Variants in MARCHF6 observed in about 807,000 individuals in gnomAD.
The protein encoded by MARCHF6 is membrane associated ring-CH-type finger 6.
A neutral mutation model predicts 133.7 loss-of-function variants in MARCHF6; 31 were observed. The ratio of observed to expected loss-of-function variants is 0.23; its 90% confidence interval spans 0.17 to 0.31. The LOEUF (loss-of-function observed/expected upper bound fraction) is 0.31, where lower values mean the gene tolerates loss of function less well. MARCHF6 is among the 10% of genes least tolerant of loss of function. The pLI is 1.00. For missense variants in MARCHF6, 723 were observed against 1,121.6 expected (o/e 0.64, Z 5.08); for synonymous variants, 395 against 402.5 (o/e 0.98, Z 0.22).
rs537627669 is a variant in MARCHF6 at position 10,406,675 on chromosome 5, G to A, written c.1453-427G>A. Reference sequence around the variant, plus strand: ...AGTGCTGGGATTACCTCACCCAGCCGTAAATCTAAGTTTTTCTAAAATAAA... The same window carrying A: ...AGTGCTGGGATTACCTCACCCAGCCATAAATCTAAGTTTTTCTAAAATAAA... On this transcript the variant is annotated intron_variant, in intron 16 of 25. Transcript: ENST00000274140. 2.0e-4 allele frequency among the ~76,000 whole-genome samples: 31 copies of A among 152,130 alleles called. No individual in the cohort carries two copies. In the South Asian group the frequency reaches 5.0e-3, roughly 24 times the overall value.
At chr5:10,390,894 T>C (rs1186468020) in intron 6 of MARCHF6, among the ~76,000 whole-genome samples, 2 of 152,210 alleles carry the variant, frequency 1.3e-5, no homozygotes, top group African/African-American at 4.8e-5. Flanking sequence ...GGCTGTCTTA[T>C]AAAAAGGACT....
At chr5:10,377,711 T>C in intron 1 of MARCHF6, 87 bp from the exon 2 acceptor site, 2 of 763,740 alleles carry the variant, frequency 2.6e-6, no homozygotes, top group South Asian at 1.5e-5. Flanking sequence ...CTTGCTTTAA[T>C]GTCCAATATT....
In MARCHF6 at chr5:10,433,818, C is replaced by G. The variant is rs1051615290; in HGVS notation, c.*134C>G. The G allele has an allele frequency of 1.4e-6, 1 of 705,168 alleles. No individual in the cohort carries two copies. The highest frequency in any genetic ancestry group is 2.3e-5 in the Admixed American group (1 of 43,310). 43.7% of individuals were successfully genotyped at this position (705,168 alleles called of 1,614,324 possible). The stretch of plus-strand genomic sequence containing the variant: ...GTATTTGACTTGTGTTCTCAGCATT[C>G]AGAGAGCAGCGGTGTAAGATTCTGC... On this transcript the variant is annotated 3_prime_UTR_variant, in exon 26 of 26. Transcript: ENST00000274140.
In MARCHF6 at chr5:10,435,211, G is replaced by C. The variant is rs539148332; in HGVS notation, c.*1527G>C. The C allele has an allele frequency of 6.6e-6, 1 of 152,656 alleles. No homozygotes were observed. Among genetic ancestry groups the C allele is most frequent in the Admixed American group, 6.5e-5 (1 of 15,276 alleles). The allele number at this position is 152,656 out of a possible 1,614,324, so 9.5% of individuals were successfully genotyped here. ...ATAAGCTACCAAAATAAAGAGCAAT[G>C]TGTTCTGGCTGTTTTATACTTCAAC... On this transcript the variant is annotated 3_prime_UTR_variant, in exon 26 of 26. Coordinates refer to ENST00000274140, the MANE Select transcript of MARCHF6 (RefSeq NM_005885.4).
At chr5:10,355,898 ACTCC>A (rs1735428448) in intron 1 of MARCHF6, among the ~76,000 whole-genome samples, 2 of 151,944 alleles carry the variant, frequency 1.3e-5, no homozygotes, top group African/African-American at 2.4e-5. Flanking sequence ...TATTTTTGTC[ACTCC>A]CTCTATAGGA....
At chr5:10,392,535 C>A (rs551980520) in intron 7 of MARCHF6, among the ~76,000 whole-genome samples, 1 of 152,080 alleles carries the variant, frequency 6.6e-6, no homozygotes, top group Non-Finnish European at 1.5e-5. Context: ...GGGTAGATCA[C>A]CTGAGGTCAG....
At chr5:10,407,720 G>T (rs149857177) in intron 17 of MARCHF6, among the ~76,000 whole-genome samples, 7 of 152,332 alleles carry the variant, frequency 4.6e-5, no homozygotes, top group African/African-American at 1.7e-4. Flanking sequence ...TTGGGAAGCC[G>T]AGGCAGGCGG....
At position 10,388,140 on chromosome 5, in the gene MARCHF6, C is replaced by T. The variant is rs142889281; in HGVS notation, c.407+1074C>T. Among the ~76,000 whole-genome samples the T allele has an allele frequency of 4.6e-4, 70 of 152,290 alleles. 2 individuals are homozygous for T. The East Asian group carries it at 0.013, about 28-fold the overall frequency. On this transcript the variant is annotated intron_variant, in intron 5 of 25. Transcript: ENST00000274140. ...TTGGCAGGCTTCTTTTTCCCTCTCA[C>T]CTGATAGGCTTGAGGGTCACCTGAA...
In MARCHF6 at chr5:10,435,660, TATATATATATATATATATATATATA is replaced by T. The variant is rs1740595937; in HGVS notation, c.*1977_*2001del. On this transcript the variant is annotated 3_prime_UTR_variant, in exon 26 of 26. Transcript: ENST00000274140. ...ATAACTATATATATATATATATATA[TATATATATATATATATATATATATA>T]TATATATATATATTTTTTTTTTTTT... The T allele has an allele frequency of 1.7e-4, 1 of 5,838 alleles. No individual in the cohort carries two copies. The highest frequency in any genetic ancestry group is 1.3e-3 in the African/African-American group (1 of 754). The allele number at this position is 5,838 out of a possible 1,614,324, so 0.4% of individuals were successfully genotyped here. A position where few individuals can be genotyped will look rare whatever the true frequency, so the allele number is the denominator to read the frequency against.
At chr5:10,414,660 A>G (rs1739406617) in intron 20 of MARCHF6, among the ~76,000 whole-genome samples, 158 bp downstream of exon 20, 1 of 152,238 alleles carries the variant, frequency 6.6e-6, no homozygotes, top group African/African-American at 2.4e-5. Flanking sequence ...CTTCCACCTC[A>G]GCTAGGTCTA....
intron 25 of MARCHF6, among the ~76,000 whole-genome samples, chr5:10,432,718 A>G (rs530037230): frequency 3.0e-4 from 46 of 152,198 alleles, no homozygotes; most frequent in African/African-American, 1.1e-3. Flanking sequence ...TTCTCCTTTC[A>G]TCACATACAT....
intron 1 of MARCHF6, among the ~76,000 whole-genome samples, chr5:10,363,371 C>G (rs139886781): frequency 6.6e-6 from 1 of 152,140 alleles, no homozygotes; most frequent in South Asian, 2.1e-4. Context: ...AGACACTTCA[C>G]TAAAAAATAC....
chr5:10,422,446 A>C (rs960989683), intron 22 of MARCHF6, among the ~76,000 whole-genome samples: 1 of 152,202 alleles, frequency 6.6e-6, no homozygotes. Context: ...GGTATATCTT[A>C]TTAGACACGG....
At chr5:10,375,394 C>T (rs1341624850) in intron 1 of MARCHF6, among the ~76,000 whole-genome samples, 1 of 152,256 alleles carries the variant, frequency 6.6e-6, no homozygotes, top group Non-Finnish European at 1.5e-5. Flanking sequence ...TGCCTTCCCG[C>T]TGGGCAGGGC....
In MARCHF6 at chr5:10,400,784, C is replaced by A; in HGVS notation, c.914C>A (p.Ala305Glu). 6.2e-7 allele frequency: 1 copy of A among 1,611,162 alleles called. No homozygotes were observed. Among genetic ancestry groups the A allele is most frequent in the Non-Finnish European group, 8.5e-7 (1 of 1,177,560 alleles). Residue 305 changes from alanine (A) to glutamate (E), a missense_variant and splice_region_variant, in exon 11 of 26, where the codon GCA becomes GAA. By Grantham distance (107) the Ala-to-Glu change is moderately radical. Coordinates refer to ENST00000274140, the MANE Select transcript of MARCHF6 (RefSeq NM_005885.4). ...SLNTLFILVF[A>E]FCPYHIGHFS... Reference sequence around the variant, plus strand: ...CATGGAATTTTTTCCCCCTTTTTAGCATTTTGCCCTTACCATATTGGTCAT... The same window carrying A: ...CATGGAATTTTTTCCCCCTTTTTAGAATTTTGCCCTTACCATATTGGTCAT...
At chr5:10,387,596 C>T (rs1193029635) in intron 5 of MARCHF6, among the ~76,000 whole-genome samples, 2 of 152,160 alleles carry the variant, frequency 1.3e-5, no homozygotes, top group Non-Finnish European at 2.9e-5. Context: ...AGCCACCGCG[C>T]CCGTCCGGGA....
Position 10,353,831 on chromosome 5 carries a change from C to T in MARCHF6, c.-68C>T. ...CCCGGGCCCGGCTCCCTCCTCCTCT[C>T]CCCTCCCTCTTTCCCCGCCCGGCCG... On this transcript the variant is annotated 5_prime_UTR_variant, in exon 1 of 26. Transcript: ENST00000274140. 3 of 1,464,008 alleles carry T rather than the reference C, an allele frequency of 2.0e-6. No homozygotes were observed. The highest frequency in any genetic ancestry group is 2.8e-6 in the Non-Finnish European group (3 of 1,079,528). 90.7% of individuals were successfully genotyped at this position (1,464,008 alleles called of 1,614,324 possible).
At chr5:10,408,612 C>G (rs1739045127) in intron 17 of MARCHF6, among the ~76,000 whole-genome samples, 1 of 152,190 alleles carries the variant, frequency 6.6e-6, no homozygotes, top group Admixed American at 6.5e-5. Flanking sequence ...GATCATGGCT[C>G]ACTGCAGCCT....
chr5:10,423,233 C>G (rs1302642677), intron 22 of MARCHF6, among the ~76,000 whole-genome samples: 1 of 151,984 alleles, frequency 6.6e-6, no homozygotes, highest in Non-Finnish European at 1.5e-5. Flanking sequence ...GGAGGGTGGG[C>G]AGGCCAAGAG....
Sources: gnomAD v4.1 joint callset for allele counts (sites outside exome capture counted in the v4.1 genomes callset) on GRCh38, gnomAD v4.1.1 for gene constraint, MANE v1.5 for transcripts, NCBI Gene and HGNC (gene_info 2026-07-23, HGNC 2026-07-21) for gene names.